Variants in RNF170 observed in about 807,000 individuals in gnomAD.
RNF170 encodes the protein ring finger protein 170.
RNF170 carries 12 observed loss-of-function variants against 32.7 expected under a neutral mutation model. The observed-to-expected ratio is 0.37, with a 90% CI of 0.24 to 0.60. The LOEUF (loss-of-function observed/expected upper bound fraction) is 0.60, where lower values mean the gene tolerates loss of function less well. RNF170 is among the 20% of genes least tolerant of loss of function. The probability of loss-of-function intolerance (pLI) is 0.72; values close to 1 mark genes in which losing one functional copy is unlikely to be tolerated. For synonymous variants in RNF170, 91 were observed against 103.6 expected, an observed-to-expected ratio of 0.88 and a Z score of 0.74; for missense variants, 212 against 311.2, an observed-to-expected ratio of 0.68 and a Z score of 2.40.
Position 42,855,899 on chromosome 8 carries a change from C to T in RNF170, c.*260G>A, listed in dbSNP as rs1299083965. 1.6e-6 allele frequency: 2 copies of T among 1,237,220 alleles called. No homozygotes were observed. Among genetic ancestry groups the T allele is most frequent in the Admixed American group, 2.7e-5 (1 of 37,732 alleles). 76.6% of individuals were successfully genotyped at this position (1,237,220 alleles called of 1,614,324 possible). A position where few individuals can be genotyped will look rare whatever the true frequency, so the allele number is the denominator to read the frequency against. On this transcript the variant is annotated 3_prime_UTR_variant, in exon 7 of 7. Coordinates refer to ENST00000527424, the MANE Select transcript of RNF170 (RefSeq NM_030954.4). ...AAAAGCATCCCTTTTTATATAATTC[C>T]ATATTTTTTCCAGACAACATAGAAT... is the stretch of plus-strand genomic sequence containing the variant.
chr8:42,866,822 C>A (rs1001560079), intron 4 of RNF170, among the ~76,000 whole-genome samples: 1 of 152,142 alleles, frequency 6.6e-6, no homozygotes, highest in African/African-American at 2.4e-5. Context: ...TGTATAAGCA[C>A]CAAACTTCAG....
chr8:42,870,199 T>C (rs1804424278), intron 3 of RNF170, 87 bp from the exon 4 acceptor site: 1 of 912,776 alleles, frequency 1.1e-6, no homozygotes, highest in Non-Finnish European at 1.8e-6. Context: ...GAGAACAGAG[T>C]CAGCAGTGTG....
At chr8:42,896,648 G>T, upstream of RNF170, 1 of 452,286 alleles carries the variant, frequency 2.2e-6, no homozygotes, top group South Asian at 1.6e-5. Flanking sequence ...GCGAGGGCGC[G>T]ACCGGACGGC....
intron 1 of RNF170, among the ~76,000 whole-genome samples, chr8:42,888,143 G>GC (rs1417207096): frequency 1.3e-5 from 2 of 152,018 alleles, no homozygotes; most frequent in African/African-American, 4.8e-5. Flanking sequence ...TCAGCTCACT[G>GC]CAACGTCCGC....
chr8:42,859,181 T>C (rs1051264911), intron 6 of RNF170, among the ~76,000 whole-genome samples: 1 of 151,460 alleles, frequency 6.6e-6, no homozygotes, highest in Non-Finnish European at 1.5e-5. Context: ...ACAAACAAAA[T>C]AGAAGTTTTC....
chr8:42,856,299 G>C lies in RNF170; in HGVS notation c.637C>G (p.Leu213Val). Residue 213 changes from leucine to valine, a missense_variant, in exon 7 of 7, where the codon CTT (leucine) becomes GTT (valine). Physicochemically the swap from Leu to Val is conservative, Grantham distance 32. Coordinates refer to ENST00000527424, the MANE Select transcript of RNF170 (RefSeq NM_030954.4). ...GGTACAAAATCTAGAGGTGATATAA[G>C]ATAGAAAAAAGCTCCCATTAAACAA... The part of the protein sequence containing the change: ...ILCLMGAFFY[L>V]ISPLDFVPEA... 3 of 1,585,290 alleles carry C rather than the reference G, an allele frequency of 1.9e-6. No homozygotes were observed. Among genetic ancestry groups the C allele is most frequent in the Non-Finnish European group, 2.6e-6 (3 of 1,171,594 alleles).
chr8:42,897,067 TC>T, upstream of RNF170: 1 of 1,180,756 alleles, frequency 8.5e-7, no homozygotes, highest in Non-Finnish European at 1.1e-6. Context: ...GGCCCCCGGA[TC>T]CCCCGACAGA....
intron 1 of RNF170, among the ~76,000 whole-genome samples, chr8:42,892,691 T>A (rs1413586843): frequency 1.3e-5 from 2 of 151,348 alleles, no homozygotes; most frequent in South Asian, 2.1e-4. Flanking sequence ...TTTTTTTTTT[T>A]AAACCCTAGA....
intron 1 of RNF170, among the ~76,000 whole-genome samples, chr8:42,895,174 G>C (rs953582040): frequency 4.6e-5 from 7 of 151,992 alleles, no homozygotes; most frequent in Admixed American, 3.9e-4. Flanking sequence ...AATTAGCTGA[G>C]CATCGTGGCC....
chr8:42,891,637 G>A (rs941341483), intron 1 of RNF170, among the ~76,000 whole-genome samples: 4 of 152,100 alleles, frequency 2.6e-5, no homozygotes, highest in Non-Finnish European at 4.4e-5. Flanking sequence ...CTATACTGAC[G>A]AGCACTGACT....
At position 42,854,507 on chromosome 8, in the gene RNF170, A is replaced by C; in HGVS notation, c.*1652T>G. 7.8e-7 allele frequency: 1 copy of C among 1,286,814 alleles called. No homozygotes were observed. The highest frequency in any genetic ancestry group is 1.0e-6 in the Non-Finnish European group (1 of 988,312). The allele number at this position is 1,286,814 out of a possible 1,614,324, so 79.7% of individuals were successfully genotyped here. A position where few individuals can be genotyped will look rare whatever the true frequency, so the allele number is the denominator to read the frequency against. On this transcript the variant is annotated 3_prime_UTR_variant, in exon 7 of 7. Coordinates refer to ENST00000527424, the MANE Select transcript of RNF170 (RefSeq NM_030954.4). ...ATGTGAGAAACCTGCTTTAATTATA[A>C]TGTGCTATGTTTAAGCATTATTGTT... is the stretch of plus-strand genomic sequence containing the variant.
At chr8:42,880,575 G>A (rs1315629312) in intron 2 of RNF170, among the ~76,000 whole-genome samples, 1 of 152,090 alleles carries the variant, frequency 6.6e-6, no homozygotes, top group Non-Finnish European at 1.5e-5. Context: ...TTCAAGACAA[G>A]CCTGACCAAC....
At position 42,854,645 on chromosome 8, in the gene RNF170, G is replaced by GT. The variant is rs1803107757; in HGVS notation, c.*1513dup. On this transcript the variant is annotated 3_prime_UTR_variant, in exon 7 of 7. Transcript: ENST00000527424. The stretch of plus-strand genomic sequence containing the variant: ...GCTGATCTGATTAGCTAGAGAGAAT[G>GT]TGACAGATTTTCTCCTTATCTCCCA... 1 of 1,287,102 alleles carries GT rather than the reference G, an allele frequency of 7.8e-7. No homozygotes were observed. The highest frequency in any genetic ancestry group is 1.2e-5 in the South Asian group (1 of 80,938). 79.7% of individuals were successfully genotyped at this position (1,287,102 alleles called of 1,614,324 possible).
intron 5 of RNF170, among the ~76,000 whole-genome samples, chr8:42,864,989 T>C (rs1803974925): frequency 6.6e-6 from 1 of 150,904 alleles, no homozygotes; most frequent in South Asian, 2.1e-4. Context: ...GGGCGTGGTA[T>C]CTCATGCCTG....
chr8:42,854,261 G>A lies in RNF170; in HGVS notation c.*1898C>T. 2 of 1,287,188 alleles carry A rather than the reference G, an allele frequency of 1.6e-6. No homozygotes were observed. Among genetic ancestry groups the A allele is most frequent in the South Asian group, 2.5e-5 (2 of 80,936 alleles). The allele number at this position is 1,287,188 out of a possible 1,614,324, so 79.7% of individuals were successfully genotyped here. A position where few individuals can be genotyped will look rare whatever the true frequency, so the allele number is the denominator to read the frequency against. The stretch of plus-strand genomic sequence containing the variant: ...AGCACGAAAGACTTCCAAAGAACCA[G>A]TTTCTCTCTTGCTGTTCCTCTTAAC... On this transcript the variant is annotated 3_prime_UTR_variant, in exon 7 of 7. Transcript: ENST00000527424.
chr8:42,878,991 T>G (rs963963879), intron 2 of RNF170, among the ~76,000 whole-genome samples: 2 of 152,236 alleles, frequency 1.3e-5, no homozygotes, highest in African/African-American at 4.8e-5. Context: ...CATATCAAAC[T>G]ATTTAAACCC....
At chr8:42,881,731 T>C (rs1284748087) in intron 2 of RNF170, among the ~76,000 whole-genome samples, 1 of 152,112 alleles carries the variant, frequency 6.6e-6, no homozygotes, top group African/African-American at 2.4e-5. Context: ...GCCCTGGAAT[T>C]TGAGACCAGC....
chr8:42,881,968 G>T (rs192447408), intron 2 of RNF170, among the ~76,000 whole-genome samples: 42 of 152,252 alleles, frequency 2.8e-4, no homozygotes, highest in African/African-American at 9.9e-4. Flanking sequence ...TAGACGAATG[G>T]CCACTAACCA....
At chr8:42,872,606 C>A (rs1804605189) in intron 3 of RNF170, among the ~76,000 whole-genome samples, 1 of 151,804 alleles carries the variant, frequency 6.6e-6, no homozygotes, top group Admixed American at 6.6e-5. Flanking sequence ...CCATGCCCGG[C>A]CAATTTTTGT....
Sources: gnomAD v4.1 joint callset for allele counts (sites outside exome capture counted in the v4.1 genomes callset) on GRCh38, gnomAD v4.1.1 for gene constraint, MANE v1.5 for transcripts, NCBI Gene and HGNC (gene_info 2026-07-23, HGNC 2026-07-21) for gene names.